The following ZNF117 variants were observed in gnomAD, a reference collection of about 807,000 sequenced individuals.
ZNF117 encodes zinc finger protein 117.
Under a neutral mutation model 41.2 loss-of-function variants are expected in ZNF117, and 37 were observed. The ratio of observed to expected loss-of-function variants is 0.90; its 90% CI spans 0.69 to 1.18. ZNF117 has a LOEUF of 1.18. ZNF117 is among the 50% of genes most tolerant of loss of function. The probability of loss-of-function intolerance (pLI) is 0.00; values close to 1 mark genes in which losing one functional copy is unlikely to be tolerated. For synonymous variants in ZNF117, 186 were observed against 186.6 expected (o/e 1.00, Z 0.02); for missense variants, 546 against 557.5 (o/e 0.98, Z 0.21).
intron 2 of ZNF117, chr7:64,981,130 T>C (rs1786022198): frequency 2.3e-6 from 1 of 431,472 alleles, no homozygotes; most frequent in Admixed American, 4.5e-5. Context: ...GATTGTGCAG[T>C]CTTTTATATC....
chr7:64,984,180 G>C (rs1465671677), upstream of ZNF117, among the ~76,000 whole-genome samples: 1 of 152,022 alleles, frequency 6.6e-6, no homozygotes, highest in East Asian at 1.9e-4. Flanking sequence ...CATCCAGGCT[G>C]GAGTGTAGTG....
downstream of ZNF117, chr7:64,973,666 G>A (rs1224186041): frequency 6.6e-6 from 1 of 151,860 alleles, no homozygotes; most frequent in African/African-American, 2.4e-5. Context: ...AAATGACATG[G>A]CATGAAGACA....
chr7:64,981,416 T>C, exon 2 of ZNF117: 1 of 1,613,134 alleles, frequency 6.2e-7, no homozygotes, highest in South Asian at 1.1e-5. Context: ...CTCATGTCTC[T>C]TCATATTCCA....
upstream of ZNF117, among the ~76,000 whole-genome samples, chr7:64,983,048 A>T (rs879405240): frequency 1.1e-4 from 17 of 152,240 alleles, no homozygotes; most frequent in African/African-American, 3.4e-4. Context: ...TGTAATTTTT[A>T]ATAGTGATTT....
intron 1 of ZNF117, 112 bp downstream of exon 2, chr7:64,981,872 G>A (rs1786040816): frequency 7.9e-6 from 3 of 377,912 alleles, no homozygotes; most frequent in East Asian, 1.0e-4. Context: ...AGATTTTTTT[G>A]AAAACAGGGA....
chr7:64,978,279 G>A, exon 3 of ZNF117: 1 of 1,587,950 alleles, frequency 6.3e-7, no homozygotes, highest in Non-Finnish European at 8.6e-7. Flanking sequence ...TCCAATAAGG[G>A]TTGAAGATCG....
chr7:64,976,269 C>G (rs1785884813), exon 3 of ZNF117: 1 of 152,390 alleles, frequency 6.6e-6, no homozygotes, highest in African/African-American at 2.4e-5. Flanking sequence ...TGGTGATAGC[C>G]AGTCTCTACT....
At chr7:64,979,386 T>C (rs1785974918) in exon 3 of ZNF117, 4 of 1,610,038 alleles carry the variant, frequency 2.5e-6, no homozygotes, top group Non-Finnish European at 3.4e-6. Flanking sequence ...ATCTCCTTTG[T>C]GCTGTTTACA....
intron 2 of ZNF117, chr7:64,980,768 C>T (rs1397580098): frequency 6.6e-6 from 1 of 152,214 alleles, no homozygotes; most frequent in Non-Finnish European, 1.5e-5. Context: ...AACTGTGTGA[C>T]ATTGTCCAAG....
At chr7:64,974,938 A>C (rs1785847897) in exon 3 of ZNF117, 1 of 152,018 alleles carries the variant, frequency 6.6e-6, no homozygotes, top group African/African-American at 2.4e-5. Flanking sequence ...AATATGCCAT[A>C]TATGGCATAA....
chr7:64,987,828 G>A (rs1484639990), intron 1 of ZNF117, among the ~76,000 whole-genome samples: 13 of 136,816 alleles, frequency 9.5e-5, no homozygotes, highest in East Asian at 4.1e-4. Context: ...CCACAAAAAG[G>A]AAAAAAAAAA....
upstream of ZNF117, among the ~76,000 whole-genome samples, chr7:64,985,911 A>G (rs964481106): frequency 7.8e-6 from 1 of 128,760 alleles, no homozygotes; most frequent in African/African-American, 2.9e-5. Flanking sequence ...AGATCATGCC[A>G]TTGCACTCCA....
At chr7:64,979,473 T>A (rs768933855) in exon 3 of ZNF117, 2 of 1,592,752 alleles carry the variant, frequency 1.3e-6, no homozygotes, top group South Asian at 2.3e-5. Flanking sequence ...TAGGGTCACT[T>A]TCTGGAAAGA....
upstream of ZNF117, among the ~76,000 whole-genome samples, chr7:64,986,101 C>T (rs74692606): frequency 1.3e-5 from 2 of 151,926 alleles, no homozygotes; most frequent in East Asian, 3.9e-4. Flanking sequence ...ATTTTGCATG[C>T]CATGTGCACT....
upstream of ZNF117, among the ~76,000 whole-genome samples, chr7:64,984,281 G>A (rs1786090400): frequency 6.6e-6 from 1 of 152,150 alleles, no homozygotes; most frequent in African/African-American, 2.4e-5. Flanking sequence ...ACAGGCATGT[G>A]CCATCACGCC....
rs1785965257 is a variant in ZNF117 at position 64,979,054 on chromosome 7, C to T, written c.517G>A (p.Ala173Thr). The T allele has an allele frequency of 5.6e-6, 9 of 1,612,946 alleles. No individual in the cohort carries two copies. In the East Asian group the frequency reaches 1.3e-4, roughly 24 times the overall value. Residue 173 changes from alanine (A) to threonine (T), a missense_variant, in exon 3 of 3, where the codon GCC becomes ACC. Ala to Thr is a moderately conservative substitution (Grantham distance 58). Transcript: ENST00000620222. ...ATAAGGTGTGAGGTCTGGTTAAAGGCTTTGCCACATTCTTTACATTTGTAA... is the reference window on the plus strand; with the variant it reads ...ATAAGGTGTGAGGTCTGGTTAAAGGTTTTGCCACATTCTTTACATTTGTAA...
intron 1 of ZNF117, among the ~76,000 whole-genome samples, chr7:64,987,938 A>G (rs190005858): frequency 2.0e-5 from 3 of 152,240 alleles, no homozygotes; most frequent in African/African-American, 7.2e-5. Flanking sequence ...ACCAATAACA[A>G]ACTCCAAAAC....
exon 1 of ZNF117, chr7:64,990,303 A>AGC (rs1786234071): frequency 6.5e-6 from 1 of 152,906 alleles, no homozygotes; most frequent in African/African-American, 2.4e-5. Flanking sequence ...GCTAGGTTGC[A>AGC]GAGAAAAAGG....
At chr7:64,985,761 C>T (rs1173687466), upstream of ZNF117, among the ~76,000 whole-genome samples, 1 of 151,766 alleles carries the variant, frequency 6.6e-6, no homozygotes, top group African/African-American at 2.4e-5. Context: ...GAGTTTGAGG[C>T]CAGCCTAGCC....
Sources: gnomAD v4.1 joint callset for allele counts (sites outside exome capture counted in the v4.1 genomes callset) on GRCh38, gnomAD v4.1.1 for gene constraint, MANE v1.5 for transcripts, NCBI Gene and HGNC (gene_info 2026-07-23, HGNC 2026-07-21) for gene names.